NAV2: variants seen among roughly 807,000 people sequenced by gnomAD.
NAV2 encodes the protein neuron navigator 2.
In NAV2, 54 loss-of-function variants were observed where a neutral mutation model predicts 223.2. The ratio of observed to expected loss-of-function variants is 0.24; its 90% CI spans 0.19 to 0.30. The LOEUF is 0.30. Ranked by LOEUF, NAV2 falls within the 10% of genes least tolerant of loss-of-function variation. The pLI, the probability that NAV2 is intolerant of heterozygous loss-of-function variation, is 1.00. For missense variants in NAV2, 2,806 were observed against 3,147.5 expected, an observed-to-expected ratio of 0.89 and a Z score of 2.60; for synonymous variants, 1,279 against 1,239.3, an observed-to-expected ratio of 1.03 and a Z score of -0.67.
chr11:19,550,298 G>A (rs986828672), intron 1 of NAV2, among the ~76,000 whole-genome samples: 1 of 152,178 alleles, frequency 6.6e-6, no homozygotes, highest in African/African-American at 2.4e-5. Context: ...TCCTTCCAGA[G>A]CTCCCCAATG....
chr11:19,572,104 T>A (rs1340477303), intron 1 of NAV2, among the ~76,000 whole-genome samples: 1 of 152,156 alleles, frequency 6.6e-6, no homozygotes, highest in Admixed American at 6.5e-5. Flanking sequence ...GGGAAGATGC[T>A]CTTTTGGCCC....
intron 5 of NAV2, among the ~76,000 whole-genome samples, chr11:19,887,369 C>T (rs1470829097): frequency 1.3e-5 from 2 of 151,988 alleles, no homozygotes; most frequent in East Asian, 1.9e-4. Flanking sequence ...ATTTTACCTG[C>T]AGGAAGCAGA....
At chr11:19,534,832 A>C (rs527548463) in intron 1 of NAV2, among the ~76,000 whole-genome samples, 12 of 152,210 alleles carry the variant, frequency 7.9e-5, no homozygotes, top group African/African-American at 2.7e-4. Context: ...AGTAGTTAAG[A>C]TGTAAGCTTT....
At chr11:19,867,338 C>T (rs2062159522) in intron 3 of NAV2, among the ~76,000 whole-genome samples, 1 of 152,148 alleles carries the variant, frequency 6.6e-6, no homozygotes, top group Admixed American at 6.5e-5. Context: ...CTCCTGGTTT[C>T]TCACCCAGCT....
chr11:19,445,153 T>C (rs931462072), intron 1 of NAV2, among the ~76,000 whole-genome samples: 4 of 152,140 alleles, frequency 2.6e-5, no homozygotes, highest in Admixed American at 2.0e-4. Flanking sequence ...ATTGAGAACA[T>C]GGTGCACAGG....
At chr11:20,078,183 C>T in intron 24 of NAV2, 79 bp downstream of exon 24, 1 of 981,042 alleles carries the variant, frequency 1.0e-6, no homozygotes, top group Non-Finnish European at 1.6e-6. Flanking sequence ...ATGATGCAAC[C>T]TCCTTGCTAG....
intron 1 of NAV2, among the ~76,000 whole-genome samples, chr11:19,595,420 A>G (rs1322079051): frequency 1.3e-5 from 2 of 152,178 alleles, no homozygotes; most frequent in Non-Finnish European, 2.9e-5. Context: ...ATATTAACTC[A>G]TTTACTTCAT....
At chr11:19,916,577 C>T (rs530745535) in intron 6 of NAV2, among the ~76,000 whole-genome samples, 28 of 152,330 alleles carry the variant, frequency 1.8e-4, no homozygotes, top group Admixed American at 7.8e-4. Context: ...TGCATTCACT[C>T]ACTTTATCAA....
At chr11:19,917,043 C>T (rs1417058957) in intron 6 of NAV2, among the ~76,000 whole-genome samples, 1 of 152,186 alleles carries the variant, frequency 6.6e-6, no homozygotes, top group Non-Finnish European at 1.5e-5. Context: ...ATGGCTATCC[C>T]TTGATGCAGA....
chr11:19,381,349 T>C (rs1224387739), intron 1 of NAV2, among the ~76,000 whole-genome samples: 1 of 152,222 alleles, frequency 6.6e-6, no homozygotes, highest in East Asian at 1.9e-4. Flanking sequence ...TAAATGTTCA[T>C]TAAACACTTA....
chr11:20,029,631 C>T (rs546039279), intron 11 of NAV2, among the ~76,000 whole-genome samples: 13 of 152,270 alleles, frequency 8.5e-5, no homozygotes, highest in African/African-American at 1.4e-4. Flanking sequence ...GTATCCCCAC[C>T]GCCTTGCACA....
At chr11:19,643,368 T>G (rs2047721239) in intron 1 of NAV2, among the ~76,000 whole-genome samples, 2 of 133,340 alleles carry the variant, frequency 1.5e-5, no homozygotes, top group Non-Finnish European at 3.1e-5. Flanking sequence ...CCTGTGTCCA[T>G]GTGTTCTCAT....
At chr11:19,350,779 G>T (rs1004927982) in exon 1 of NAV2, 12 of 637,352 alleles carry the variant, frequency 1.9e-5, no homozygotes, top group African/African-American at 5.4e-5. Context: ...GCCGAGTGAG[G>T]TTCCCGAGTG....
chr11:19,974,192 C>T (rs908703165), intron 10 of NAV2, among the ~76,000 whole-genome samples: 1 of 152,332 alleles, frequency 6.6e-6, no homozygotes, highest in Non-Finnish European at 1.5e-5. Flanking sequence ...ACAGTTCTTC[C>T]GCCCAGGTCT....
At chr11:19,860,164 G>A (rs1301092103) in intron 3 of NAV2, among the ~76,000 whole-genome samples, 7 of 146,276 alleles carry the variant, frequency 4.8e-5, no homozygotes, top group South Asian at 4.4e-4. Context: ...CTGGCCAGGC[G>A]GGGGGCTGAC....
intron 1 of NAV2, among the ~76,000 whole-genome samples, chr11:19,682,885 A>C (rs1035851057): frequency 3.9e-5 from 6 of 152,188 alleles, no homozygotes; most frequent in Non-Finnish European, 8.8e-5. Context: ...GAGAGGACAA[A>C]CATCCAAAAC....
chr11:19,629,974 G>C (rs2047298948), intron 1 of NAV2, among the ~76,000 whole-genome samples: 1 of 152,134 alleles, frequency 6.6e-6, no homozygotes, highest in Non-Finnish European at 1.5e-5. Flanking sequence ...CCAAAATTCT[G>C]TACCCTCTGA....
chr11:19,396,427 G>A (rs887433198), intron 1 of NAV2, among the ~76,000 whole-genome samples: 9 of 152,254 alleles, frequency 5.9e-5, no homozygotes, highest in Admixed American at 3.9e-4. Flanking sequence ...AACCCATGAG[G>A]GTGTCTACAC....
chr11:20,072,786 G>A (rs1273246283), intron 22 of NAV2, among the ~76,000 whole-genome samples: 1 of 152,176 alleles, frequency 6.6e-6, no homozygotes, highest in Non-Finnish European at 1.5e-5. Context: ...CATTGATTTT[G>A]TATCCTGAGA....
Sources: allele counts gnomAD v4.1 joint callset (sites outside exome capture counted in the v4.1 genomes callset), GRCh38; gene constraint gnomAD v4.1.1; transcripts MANE v1.5; gene names NCBI Gene and HGNC (gene_info 2026-07-23, HGNC 2026-07-21).